Variants in RP1 observed in about 807,000 individuals in gnomAD.
RP1 encodes the protein RP1 axonemal microtubule associated, also known as oxygen-regulated protein 1.
In RP1, 16 loss-of-function variants were observed where a neutral mutation model predicts 14.8. That is an observed-to-expected ratio of 1.08 (90% CI 0.73 to 1.65). The LOEUF is 1.65. Among genes scored for constraint, RP1 ranks in the 40% most tolerant of loss-of-function variants. RP1 has a pLI of 0.00. For synonymous variants in RP1, 876 were observed against 883.6 expected, an observed-to-expected ratio of 0.99 and a Z score of 0.15; for missense variants, 2,631 against 2,535.0, an observed-to-expected ratio of 1.04 and a Z score of -0.81.
chr8:54,576,480 C>A (rs1251543296), intron 1 of RP1, among the ~76,000 whole-genome samples: 2 of 152,216 alleles, frequency 1.3e-5, no homozygotes, highest in African/African-American at 4.8e-5. Context: ...TAATTTATAT[C>A]GAGCCTCTTC....
intron 28 of RP1, among the ~76,000 whole-genome samples, chr8:54,867,163 T>C (rs1812476766): frequency 1.3e-5 from 2 of 152,310 alleles, no homozygotes; most frequent in East Asian, 3.9e-4. Flanking sequence ...TCTTCAGATA[T>C]GCAGAGATGC....
chr8:54,683,779 A>G (rs1381047712), intron 12 of RP1, among the ~76,000 whole-genome samples: 1 of 152,130 alleles, frequency 6.6e-6, no homozygotes, highest in Non-Finnish European at 1.5e-5. Context: ...TCCTATTTGC[A>G]TACACTTTAT....
intron 1 of RP1, among the ~76,000 whole-genome samples, chr8:54,578,052 C>T (rs1324573002): frequency 1.3e-5 from 2 of 151,956 alleles, no homozygotes; most frequent in Non-Finnish European, 2.9e-5. Context: ...CACCCATTAA[C>T]TCATCATTTA....
At chr8:54,599,357 T>A (rs1271912032) in intron 1 of RP1, among the ~76,000 whole-genome samples, 1 of 152,228 alleles carries the variant, frequency 6.6e-6, no homozygotes, top group Non-Finnish European at 1.5e-5. Context: ...TTCAAGTCCA[T>A]TTGGAATTGC....
exon 21 of RP1, chr8:54,755,639 G>T (rs749695036): frequency 6.5e-7 from 1 of 1,535,910 alleles, no homozygotes; most frequent in East Asian, 2.4e-5. Flanking sequence ...CCAGGTTGAC[G>T]TCTACACTGG....
intron 25 of RP1, among the ~76,000 whole-genome samples, chr8:54,838,529 G>A (rs1335038482): frequency 6.6e-6 from 1 of 152,188 alleles, no homozygotes; most frequent in Non-Finnish European, 1.5e-5. Flanking sequence ...GTGCGTGACA[G>A]AATGTATGCA....
intron 1 of RP1, among the ~76,000 whole-genome samples, chr8:54,576,187 C>T (rs535024654): frequency 2.0e-5 from 3 of 152,168 alleles, no homozygotes; most frequent in South Asian, 2.1e-4. Flanking sequence ...ACTACAGGCG[C>T]GCGCCACCAC....
At chr8:54,649,216 CAT>C in intron 4 of RP1, 2 of 1,209,474 alleles carry the variant, frequency 1.7e-6, no homozygotes, top group Non-Finnish European at 2.2e-6. Context: ...TTGGAATGAA[CAT>C]AGTCTATCCC....
intron 24 of RP1, among the ~76,000 whole-genome samples, chr8:54,786,412 T>G (rs894730822): frequency 6.6e-6 from 1 of 152,092 alleles, no homozygotes; most frequent in Admixed American, 6.6e-5. Flanking sequence ...TGTTTTTGGC[T>G]TTCAAAAATT....
chr8:54,800,844 T>C (rs1810688661), intron 24 of RP1, among the ~76,000 whole-genome samples: 1 of 152,236 alleles, frequency 6.6e-6, no homozygotes, highest in African/African-American at 2.4e-5. Flanking sequence ...GTGTCATATC[T>C]GAGTCTGATT....
chr8:54,859,544 C>A (rs1812292378), intron 27 of RP1, among the ~76,000 whole-genome samples: 1 of 145,704 alleles, frequency 6.9e-6, no homozygotes, highest in Admixed American at 6.8e-5. Context: ...CACTGTAGAG[C>A]AGTGTCACTG....
At chr8:54,854,923 T>C (rs1812154905) in intron 26 of RP1, among the ~76,000 whole-genome samples, 1 of 152,174 alleles carries the variant, frequency 6.6e-6, no homozygotes, top group South Asian at 2.1e-4. Context: ...CTAAAATTTA[T>C]TTTAACCATT....
intron 3 of RP1, among the ~76,000 whole-genome samples, chr8:54,643,936 C>A (rs1044263353): frequency 6.6e-6 from 1 of 152,114 alleles, no homozygotes; most frequent in Non-Finnish European, 1.5e-5. Context: ...TTACCGCATC[C>A]CAATATTCCC....
At chr8:54,843,844 C>T (rs564338073) in intron 25 of RP1, among the ~76,000 whole-genome samples, 6 of 152,278 alleles carry the variant, frequency 3.9e-5, no homozygotes, top group African/African-American at 1.4e-4. Context: ...AAGGGGGCAC[C>T]TGAGGAGTCC....
chr8:54,674,035 T>C, intron 8 of RP1: 1 of 821,978 alleles, frequency 1.2e-6, no homozygotes, highest in South Asian at 1.7e-5. Flanking sequence ...AAAATGGATC[T>C]CTATGTATTG....
intron 26 of RP1, among the ~76,000 whole-genome samples, chr8:54,855,511 ATTAAAGAT>A (rs1399823867): frequency 6.6e-6 from 1 of 152,238 alleles, no homozygotes; most frequent in Non-Finnish European, 1.5e-5. Context: ...CTATTTTAGT[ATTAAAGAT>A]TTCTGTTCCT....
intron 1 of RP1, among the ~76,000 whole-genome samples, chr8:54,586,710 C>A (rs1287713496): frequency 2.0e-5 from 3 of 152,224 alleles, no homozygotes; most frequent in Admixed American, 6.5e-5. Context: ...GCCCCTCCCC[C>A]AGCCTCGCTG....
chr8:54,859,080 A>G (rs1812276473), intron 27 of RP1, among the ~76,000 whole-genome samples: 1 of 151,244 alleles, frequency 6.6e-6, no homozygotes, highest in Non-Finnish European at 1.5e-5. Context: ...GGGTGTCATT[A>G]TAGAGTTGTT....
rs550130306 is a variant in RP1, at chr8:54,702,568, C to T, written c.1998+906C>T. The stretch of plus-strand genomic sequence containing the variant: ...TTTTTGCTGTAGCGGGGGGTCTTGC[C>T]TCGATATTGACAGTTGCTGATGAAT... On this transcript the variant is annotated intron_variant, in intron 14 of 22. Transcript: ENST00000636932. Among the ~76,000 whole-genome samples, 11 of 152,186 alleles carry T rather than the reference C, an allele frequency of 7.2e-5. 1 individual carries two copies. The highest frequency in any genetic ancestry group is 6.8e-3 in the Middle Eastern group (2 of 294).
Sources: allele counts gnomAD v4.1 joint callset (sites outside exome capture counted in the v4.1 genomes callset), GRCh38; gene constraint gnomAD v4.1.1; transcripts MANE v1.5; gene names NCBI Gene and HGNC (gene_info 2026-07-23, HGNC 2026-07-21).